The following LIMCH1 variants were observed in gnomAD, a reference collection of about 807,000 sequenced individuals.
LIMCH1 encodes LIM and calponin homology domains 1.
In LIMCH1, 113 loss-of-function variants were observed where a neutral mutation model predicts 176.5. The ratio of observed to expected loss-of-function variants is 0.64; its 90% CI spans 0.55 to 0.75. LIMCH1 has a LOEUF of 0.75. Among genes scored for constraint, LIMCH1 ranks in the 30% least tolerant of loss-of-function variants. The pLI is 0.00. For missense variants in LIMCH1, 1,674 were observed against 1,814.9 expected (o/e 0.92, Z 1.41); for synonymous variants, 619 against 645.9 (o/e 0.96, Z 0.63).
chr4:41,571,148 A>G (rs1433480358), intron 1 of LIMCH1, among the ~76,000 whole-genome samples: 1 of 152,040 alleles, frequency 6.6e-6, no homozygotes, highest in Admixed American at 6.6e-5. Flanking sequence ...AGAGGAGAGA[A>G]TGTGTGGCTC....
chr4:41,400,345 A>C (rs150849516), intron 1 of LIMCH1, among the ~76,000 whole-genome samples: 20 of 152,312 alleles, frequency 1.3e-4, no homozygotes, highest in African/African-American at 4.6e-4. Flanking sequence ...TCAACTTCCC[A>C]AAAACCATAA....
Position 41,626,995 on chromosome 4 carries a change from G to C in LIMCH1, c.1013G>C (p.Ser338Thr). Residue 338 changes from serine (S) to threonine (T), a missense_variant, in exon 8 of 32, where the codon AGT becomes ACT. Ser to Thr is a moderately conservative substitution (Grantham distance 58). Coordinates refer to ENST00000503057, the MANE Select transcript of LIMCH1 (RefSeq NM_001330672.2). ...TCAAAGGGAATCTCAAAAAAAAGAA[G>C]TCTAGAATATAAAAGGTGTGCATGG... ...QLSKGISKKR[S>T]LEYKRNQGHT... 6.5e-7 allele frequency: 1 copy of C among 1,530,610 alleles called. No homozygotes were observed. The highest frequency in any genetic ancestry group is 8.7e-7 in the Non-Finnish European group (1 of 1,145,356). 94.8% of individuals were successfully genotyped at this position (1,530,610 alleles called of 1,614,324 possible).
chr4:41,638,978 T>A lies in LIMCH1; in HGVS notation c.2126+11T>A, dbSNP rs776765323. Reference sequence around the variant, plus strand: ...GTCTGATGACGCAGAGTAAGTTGCCTTGTATTTGTAGGATTACATTAATTA... The same window carrying A: ...GTCTGATGACGCAGAGTAAGTTGCCATGTATTTGTAGGATTACATTAATTA... On this transcript the variant is annotated intron_variant, in intron 14 of 31. Coordinates refer to ENST00000503057, the MANE Select transcript of LIMCH1 (RefSeq NM_001330672.2). 3.0e-5 allele frequency: 47 copies of A among 1,572,396 alleles called. No homozygotes were observed. The highest frequency in any genetic ancestry group is 6.0e-5 in the Admixed American group (3 of 49,712).
In LIMCH1 at chr4:41,684,257, T is replaced by A. The variant is rs1254055328; in HGVS notation, c.3846-140T>A. On this transcript the variant is annotated intron_variant, in intron 26 of 31. Coordinates refer to ENST00000503057, the MANE Select transcript of LIMCH1 (RefSeq NM_001330672.2). ...GTAGTACTTTATCATTTTAAATCTA[T>A]TTTAAAATAGAATAAATAAAGAGTC... is the stretch of plus-strand genomic sequence containing the variant. 7.7e-6 allele frequency: 5 copies of A among 649,760 alleles called. No individual in the cohort carries two copies. In the East Asian group the frequency reaches 1.5e-4, roughly 19 times the overall value. 40.2% of individuals were successfully genotyped at this position (649,760 alleles called of 1,614,324 possible).
At chr4:41,682,060 A>T (rs557331402) in intron 25 of LIMCH1, among the ~76,000 whole-genome samples, 2 of 152,180 alleles carry the variant, frequency 1.3e-5, no homozygotes, top group African/African-American at 4.8e-5. Context: ...CCAGAAAACC[A>T]TTTGTCCTGA....
At chr4:41,620,363 A>G (rs777980435) in intron 6 of LIMCH1, 61 bp from the exon 7 acceptor site, 60 of 1,442,018 alleles carry the variant, frequency 4.2e-5, no homozygotes, top group Non-Finnish European at 5.5e-5. Context: ...GGGAGATGAC[A>G]TGGGGTCTGC....
Position 41,650,478 on chromosome 4 carries a change from A to G in LIMCH1, c.2906A>G (p.His969Arg). 1 of 1,613,956 alleles carries G rather than the reference A, an allele frequency of 6.2e-7. No homozygotes were observed. The highest frequency in any genetic ancestry group is 8.5e-7 in the Non-Finnish European group (1 of 1,179,984). ...ERECPTVAPA[H>R]SLTKSQMFEG... ...GAGTGTCCCACGGTGGCACCTGCCC[A>G]CTCCTTAACCAAATCCCAGATGTTT... is the stretch of plus-strand genomic sequence containing the variant. The change falls in exon 18 of 32, where the codon CAC becomes CGC. Residue 969 changes from histidine to arginine, a missense_variant. Coordinates refer to ENST00000503057, the MANE Select transcript of LIMCH1 (RefSeq NM_001330672.2).
rs1207554642 is a variant in LIMCH1 at position 41,657,427 on chromosome 4, TAA to T, written c.3037-3992_3037-3991del. The stretch of plus-strand genomic sequence containing the variant: ...GCCTCCAGGATGGAGTATCCAGACA[TAA>T]GTTAATTAACCTGGCTTTGGGGATT... On this transcript the variant is annotated intron_variant, in intron 18 of 31. Coordinates refer to ENST00000503057, the MANE Select transcript of LIMCH1 (RefSeq NM_001330672.2). 7.2e-5 allele frequency among the ~76,000 whole-genome samples: 11 copies of T among 152,344 alleles called. No homozygotes were observed. In the South Asian group the frequency reaches 2.3e-3, roughly 32 times the overall value.
At chr4:41,686,663 C>G (rs1721021700) in intron 28 of LIMCH1, among the ~76,000 whole-genome samples, 1 of 152,150 alleles carries the variant, frequency 6.6e-6, no homozygotes, top group Admixed American at 6.5e-5. Context: ...TTCTCTGCCT[C>G]GTTTATAAAA....
At chr4:41,585,834 T>C (rs943838581) in intron 1 of LIMCH1, among the ~76,000 whole-genome samples, 1 of 152,212 alleles carries the variant, frequency 6.6e-6, no homozygotes, top group Non-Finnish European at 1.5e-5. Context: ...CTACTACCAT[T>C]GGTTACACAG....
upstream of LIMCH1, chr4:41,360,648 G>C: frequency 3.3e-6 from 1 of 303,432 alleles, no homozygotes; most frequent in Non-Finnish European, 5.9e-6. This position sits in a 1 kb window ranked among gnomAD's most constrained non-coding sequence, Gnocchi z 4.5. Context: ...GTTGGAGCCC[G>C]GGCGGCGCCG....
At chr4:41,524,899 A>G (rs756218539) in intron 3 of LIMCH1, among the ~76,000 whole-genome samples, 8 of 152,246 alleles carry the variant, frequency 5.3e-5, no homozygotes, top group Non-Finnish European at 1.0e-4. Context: ...GCTGCTTTCA[A>G]TATTATAATC....
intron 1 of LIMCH1, among the ~76,000 whole-genome samples, chr4:41,487,950 T>C (rs182939557): frequency 1.3e-4 from 20 of 151,980 alleles, no homozygotes; most frequent in Admixed American, 1.2e-3. Flanking sequence ...TCTTAATAGT[T>C]ATGTTATCTT....
chr4:41,611,934 T>A (rs1380926667), intron 4 of LIMCH1, among the ~76,000 whole-genome samples: 1 of 152,190 alleles, frequency 6.6e-6, no homozygotes, highest in Non-Finnish European at 1.5e-5. Flanking sequence ...CTGGCTTTTG[T>A]TCAAGTCCTG....
At chr4:41,574,731 T>C (rs1042228850) in intron 1 of LIMCH1, among the ~76,000 whole-genome samples, 2 of 152,246 alleles carry the variant, frequency 1.3e-5, no homozygotes, top group African/African-American at 4.8e-5. Flanking sequence ...AGTATTCTAT[T>C]ACGCTGTTTG....
chr4:41,540,674 G>A (rs1318803615), intron 1 of LIMCH1, among the ~76,000 whole-genome samples: 5 of 152,108 alleles, frequency 3.3e-5, no homozygotes, highest in Non-Finnish European at 7.3e-5. Context: ...GGGAGGTGGA[G>A]GTTACAGTGA....
chr4:41,595,279 A>G (rs2088532691), intron 1 of LIMCH1, among the ~76,000 whole-genome samples: 1 of 152,212 alleles, frequency 6.6e-6, no homozygotes, highest in Non-Finnish European at 1.5e-5. Flanking sequence ...GAGAAAGAGA[A>G]GACAAGAAGA....
At chr4:41,606,152 C>A in intron 4 of LIMCH1, 148 bp downstream of exon 4, 1 of 576,260 alleles carries the variant, frequency 1.7e-6, no homozygotes, top group Non-Finnish European at 3.2e-6. Flanking sequence ...CTTGTCTTAC[C>A]AATGACATCT....
At chr4:41,681,304 C>A (rs943431115) in intron 25 of LIMCH1, among the ~76,000 whole-genome samples, 6 of 152,102 alleles carry the variant, frequency 3.9e-5, no homozygotes, top group Admixed American at 3.3e-4. Flanking sequence ...TCCCAGTAGT[C>A]TGGAAGCCAA....
Sources: allele counts gnomAD v4.1 joint callset (sites outside exome capture counted in the v4.1 genomes callset), GRCh38; gene constraint gnomAD v4.1.1; non-coding constraint Gnocchi (gnomAD v3.1); transcripts MANE v1.5; gene names NCBI Gene and HGNC (gene_info 2026-07-23, HGNC 2026-07-21).